TAFA2: variants seen among roughly 807,000 people sequenced by gnomAD.
The protein encoded by TAFA2 is chemokine-like protein TAFA-2.
TAFA2 carries 7 observed loss-of-function variants against 18.8 expected under a neutral mutation model. That is an observed-to-expected ratio of 0.37 (90% confidence interval 0.21 to 0.70). The LOEUF (loss-of-function observed/expected upper bound fraction) is 0.70, where lower values mean the gene tolerates loss of function less well. Among genes scored for constraint, TAFA2 ranks in the 30% least tolerant of loss-of-function variants. TAFA2 has a pLI of 0.53. For missense variants in TAFA2, 122 were observed against 158.1 expected (o/e 0.77, Z 1.23); for synonymous variants, 60 against 54.2 (o/e 1.11, Z -0.47).
At chr12:61,889,017 C>T (rs1471168750) in intron 1 of TAFA2, among the ~76,000 whole-genome samples, 1 of 152,140 alleles carries the variant, frequency 6.6e-6, no homozygotes. Flanking sequence ...AATGGGCTGG[C>T]CTTGATTGCT....
intron 1 of TAFA2, among the ~76,000 whole-genome samples, chr12:62,191,010 A>T (rs564112574): frequency 6.6e-5 from 10 of 152,088 alleles, no homozygotes; most frequent in Admixed American, 3.3e-4. Context: ...CTCATTTCGC[A>T]TGCTCCGATC....
chr12:62,149,602 T>TAC (rs2062313514), intron 1 of TAFA2, among the ~76,000 whole-genome samples: 1 of 148,860 alleles, frequency 6.7e-6, no homozygotes. Flanking sequence ...TATATATATA[T>TAC]ACTCTTGACT....
chr12:61,805,118 T>A (rs1177409336), intron 2 of TAFA2, among the ~76,000 whole-genome samples: 2 of 151,998 alleles, frequency 1.3e-5, no homozygotes, highest in Non-Finnish European at 2.9e-5. Context: ...AAAGGGTATA[T>A]GTCTGGTATT....
At chr12:62,132,690 G>A (rs1021727107) in intron 1 of TAFA2, among the ~76,000 whole-genome samples, 1 of 151,914 alleles carries the variant, frequency 6.6e-6, no homozygotes, top group Non-Finnish European at 1.5e-5. Context: ...ACCATGAAGT[G>A]AGACACCTAA....
At chr12:62,163,457 AG>A (rs754791859) in intron 1 of TAFA2, among the ~76,000 whole-genome samples, 90 of 152,280 alleles carry the variant, frequency 5.9e-4, no homozygotes, top group Middle Eastern at 3.4e-3. Context: ...GCTGTTTAAA[AG>A]AGCCATTTTT....
chr12:61,876,918 C>G (rs1874873312), intron 1 of TAFA2, among the ~76,000 whole-genome samples: 3 of 152,194 alleles, frequency 2.0e-5, no homozygotes, highest in Non-Finnish European at 4.4e-5. Context: ...ATGAAAGAGA[C>G]AGCGATGCTG....
At chr12:61,961,407 G>C (rs139583180) in intron 1 of TAFA2, among the ~76,000 whole-genome samples, 1 of 151,978 alleles carries the variant, frequency 6.6e-6, no homozygotes, top group Non-Finnish European at 1.5e-5. Flanking sequence ...TTCCATAGCT[G>C]TGGTCATTTT....
At chr12:61,720,933 C>G (rs765520596) in intron 4 of TAFA2, 1 of 517,858 alleles carries the variant, frequency 1.9e-6, no homozygotes, top group Non-Finnish European at 3.9e-6. Flanking sequence ...GCCTAAGGAA[C>G]AAACACATGT....
intron 1 of TAFA2, among the ~76,000 whole-genome samples, chr12:62,014,996 A>G (rs1880884817): frequency 6.6e-6 from 1 of 152,072 alleles, no homozygotes; most frequent in South Asian, 2.1e-4. Flanking sequence ...TTAAACCAAA[A>G]CTGTTTTCCA....
intron 1 of TAFA2, among the ~76,000 whole-genome samples, chr12:61,941,734 G>A (rs889856107): frequency 1.8e-4 from 27 of 151,686 alleles, no homozygotes; most frequent in Non-Finnish European, 3.7e-4. Flanking sequence ...CGAATATTGC[G>A]CTTTTCAGAC....
intron 1 of TAFA2, among the ~76,000 whole-genome samples, chr12:61,906,964 T>C (rs1876383690): frequency 6.6e-6 from 1 of 152,214 alleles, no homozygotes; most frequent in Non-Finnish European, 1.5e-5. Context: ...AAGAGCTGAC[T>C]TGAGTGCCAT....
chr12:61,941,130 A>G (rs1339694179), intron 1 of TAFA2, among the ~76,000 whole-genome samples: 1 of 152,184 alleles, frequency 6.6e-6, no homozygotes, highest in Non-Finnish European at 1.5e-5. Flanking sequence ...TATATTTGTG[A>G]TGAAAATCCA....
intron 1 of TAFA2, among the ~76,000 whole-genome samples, chr12:62,118,087 C>T (rs113743294): frequency 3.0e-4 from 46 of 152,226 alleles, no homozygotes; most frequent in African/African-American, 1.1e-3. Context: ...CATATGACAT[C>T]CCTCTGAATC....
chr12:61,899,587 A>G lies in TAFA2; in HGVS notation c.-1-32161T>C, dbSNP rs182846105. The stretch of plus-strand genomic sequence containing the variant: ...ATTCACTCACTATCACGAGAACAAC[A>G]TGGGAATCTGTCTCCATGATCCAAT... On this transcript the variant is annotated intron_variant, in intron 1 of 4. Coordinates refer to ENST00000416284, the MANE Select transcript of TAFA2 (RefSeq NM_178539.5). Among the ~76,000 whole-genome samples the G allele has an allele frequency of 6.0e-4, 92 of 152,260 alleles. 1 individual carries two copies. The highest frequency in any genetic ancestry group is 6.8e-3 in the Middle Eastern group (2 of 294).
intron 1 of TAFA2, among the ~76,000 whole-genome samples, chr12:61,952,532 G>A (rs138174830): frequency 3.4e-4 from 51 of 151,944 alleles, no homozygotes; most frequent in African/African-American, 1.2e-3. Flanking sequence ...TCAGATCAAC[G>A]CGATAAACTT....
chr12:61,906,505 C>T (rs1006862107), intron 1 of TAFA2, among the ~76,000 whole-genome samples: 10 of 152,130 alleles, frequency 6.6e-5, no homozygotes, highest in Non-Finnish European at 1.0e-4. Flanking sequence ...ACTTCCTTTC[C>T]TTTATAAATT....
chr12:61,792,129 C>T (rs1421224819), intron 2 of TAFA2, among the ~76,000 whole-genome samples: 1 of 151,570 alleles, frequency 6.6e-6, no homozygotes, highest in Non-Finnish European at 1.5e-5. Flanking sequence ...AAAAATACTA[C>T]ATAATCTCAC....
At chr12:61,747,096 A>C (rs1166098095) in intron 4 of TAFA2, among the ~76,000 whole-genome samples, 2 of 152,210 alleles carry the variant, frequency 1.3e-5, no homozygotes, top group African/African-American at 2.4e-5. Flanking sequence ...ACATTTATGC[A>C]GCCAAAAAAC....
chr12:61,940,803 G>C (rs558969671), intron 1 of TAFA2, among the ~76,000 whole-genome samples: 1 of 152,260 alleles, frequency 6.6e-6, no homozygotes, highest in African/African-American at 2.4e-5. Context: ...TTAGGCAAAA[G>C]GAACAGTGAA....
Sources: allele counts gnomAD v4.1 joint callset (sites outside exome capture counted in the v4.1 genomes callset), GRCh38; gene constraint gnomAD v4.1.1; transcripts MANE v1.5; gene names NCBI Gene and HGNC (gene_info 2026-07-23, HGNC 2026-07-21).